The following TMC2 variants were observed in gnomAD, a reference collection of about 807,000 sequenced individuals.
The protein encoded by TMC2 is transmembrane channel like 2.
Under a neutral mutation model 105.9 loss-of-function variants are expected in TMC2, and 102 were observed. The ratio of observed to expected loss-of-function variants is 0.96; its 90% confidence interval spans 0.82 to 1.14. TMC2 has a LOEUF of 1.14. Ranked by LOEUF, TMC2 falls within the 50% of genes most tolerant of loss-of-function variation. The pLI, the probability that TMC2 is intolerant of heterozygous loss-of-function variation, is 0.00. For missense variants in TMC2, 1,093 were observed against 1,134.3 expected (o/e 0.96, Z 0.52); for synonymous variants, 402 against 422.8 (o/e 0.95, Z 0.60).
chr20:2,616,955 G>T lies in TMC2; in HGVS notation c.1941-117G>T. ...TGGGAGGCCCCTTACCTGGGGACTT[G>T]CCAGGAAAGCAGCTCGGCCTCATGC... On this transcript the variant is annotated intron_variant, in intron 15 of 19. Transcript: ENST00000358864. The surrounding 1 kb of genome is among the most constrained non-coding windows in gnomAD (Gnocchi z 4.8). 1 of 1,229,996 alleles carries T rather than the reference G, an allele frequency of 8.1e-7. No homozygotes were observed. Among genetic ancestry groups the T allele is most frequent in the Non-Finnish European group, 1.1e-6 (1 of 875,480 alleles). 76.2% of individuals were successfully genotyped at this position (1,229,996 alleles called of 1,614,324 possible). A position where few individuals can be genotyped will look rare whatever the true frequency, so the allele number is the denominator to read the frequency against.
At position 2,603,769 on chromosome 20, in the gene TMC2, CT is replaced by C. The variant is rs1429466142; in HGVS notation, c.1413+1470del. ...TATAAGGGGAGTATCAGTGCCAAGT[CT>C]TATGCTCTGAAGGCAAATGCTGACT... On this transcript the variant is annotated intron_variant, in intron 11 of 19. Transcript: ENST00000358864. Among the ~76,000 whole-genome samples, 5 of 152,302 alleles carry C rather than the reference CT, an allele frequency of 3.3e-5. No individual in the cohort carries two copies. The East Asian group carries it at 9.6e-4, about 29-fold the overall frequency.
At position 2,558,425 on chromosome 20, in the gene TMC2, A is replaced by G. The variant is rs2085998177; in HGVS notation, c.83-31A>G. The G allele has an allele frequency of 1.3e-6, 2 of 1,550,456 alleles. No individual in the cohort carries two copies. Among genetic ancestry groups the G allele is most frequent in the Non-Finnish European group, 1.7e-6 (2 of 1,146,976 alleles). The stretch of plus-strand genomic sequence containing the variant: ...TTTTCCTGGGCCTGAGGCCGTTGGA[A>G]CCAGAACTGTCCATTTTCCCGCCCC... On this transcript the variant is annotated intron_variant, in intron 2 of 19. Transcript: ENST00000358864. The surrounding 1 kb of genome is among the most constrained non-coding windows in gnomAD (Gnocchi z 4.6).
chr20:2,546,610 G>A (rs2085927991), intron 2 of TMC2, among the ~76,000 whole-genome samples: 2 of 151,854 alleles, frequency 1.3e-5, no homozygotes, highest in Non-Finnish European at 2.9e-5. Flanking sequence ...TTTTAGGATG[G>A]TGTATGTCTC....
At chr20:2,539,026 T>G (rs1296094167) in intron 2 of TMC2, among the ~76,000 whole-genome samples, 1 of 151,326 alleles carries the variant, frequency 6.6e-6, no homozygotes, top group Admixed American at 6.6e-5. Flanking sequence ...CCTGTATCAT[T>G]TGGTAAGTGC....
intron 4 of TMC2, among the ~76,000 whole-genome samples, chr20:2,568,022 A>G (rs976878445): frequency 2.6e-5 from 4 of 152,222 alleles, no homozygotes; most frequent in East Asian, 1.9e-4. Context: ...AAGACATAAC[A>G]TTAGTATCGT....
At chr20:2,604,579 T>G (rs1259236561) in intron 11 of TMC2, among the ~76,000 whole-genome samples, 1 of 152,058 alleles carries the variant, frequency 6.6e-6, no homozygotes, top group Non-Finnish European at 1.5e-5. Flanking sequence ...TGATCAGTGT[T>G]TTTTTTTGTA....
chr20:2,624,444 G>A, intron 17 of TMC2, 48 bp downstream of exon 17: 1 of 1,582,150 alleles, frequency 6.3e-7, no homozygotes, highest in Non-Finnish European at 8.6e-7. Flanking sequence ...ACTTCTCCTT[G>A]AATTTGAGAC....
chr20:2,540,371 A>G (rs1600092067), intron 2 of TMC2, among the ~76,000 whole-genome samples: 2 of 151,292 alleles, frequency 1.3e-5, no homozygotes, highest in East Asian at 4.0e-4. Context: ...TCTCAAAGAC[A>G]TGGACATGGC....
rs754743037 is a variant in TMC2, at chr20:2,592,192, AAAG to A, written c.835-112_835-110del. On this transcript the variant is annotated intron_variant, in intron 7 of 19. Transcript: ENST00000358864. This position sits in a 1 kb window ranked among gnomAD's most constrained non-coding sequence, Gnocchi z 4.9. ...GAATTAAATTAATAAATACATAAAG[AAAG>A]AAGAAAATAGGTGTATTCCGCTCTG... The A allele has an allele frequency of 4.1e-5, 25 of 614,026 alleles. No individual in the cohort carries two copies. Among genetic ancestry groups the A allele is most frequent in the Non-Finnish European group, 6.6e-5 (23 of 346,322 alleles). The allele number at this position is 614,026 out of a possible 1,614,324, so 38.0% of individuals were successfully genotyped here.
chr20:2,543,192 T>G (rs755020054), intron 2 of TMC2, among the ~76,000 whole-genome samples: 267 of 151,982 alleles, frequency 1.8e-3, no homozygotes, highest in Non-Finnish European at 2.7e-3. Context: ...AGCCAAGATC[T>G]TACCACTGCA....
rs578167322 is a variant in TMC2 at position 2,556,490 on chromosome 20, G to A, written c.83-1966G>A. On this transcript the variant is annotated intron_variant, in intron 2 of 19. Transcript: ENST00000358864. The stretch of plus-strand genomic sequence containing the variant: ...AGAACCTCCTTTAACATTTTGAGGG[G>A]CTGGACAGGGTGGCTCATGCCTATA... Among the ~76,000 whole-genome samples the A allele has an allele frequency of 3.1e-3, 466 of 152,256 alleles. 1 individual carries two copies. The highest frequency in any genetic ancestry group is 0.011 in the African/African-American group (438 of 41,552).
Position 2,624,269 on chromosome 20 carries a change from A to G in TMC2, c.2181-2A>G, listed in dbSNP as rs1394437860. 1 of 1,613,356 alleles carries G rather than the reference A, an allele frequency of 6.2e-7. No homozygotes were observed. The highest frequency in any genetic ancestry group is 8.5e-7 in the Non-Finnish European group (1 of 1,179,730). ...TTATATTGTGTCCTCTCCTTTTTCCAGTGGGAAAAACAGAATGTACGATGT... is the reference window on the plus strand; with the variant it reads ...TTATATTGTGTCCTCTCCTTTTTCCGGTGGGAAAAACAGAATGTACGATGT... On this transcript the variant is annotated splice_acceptor_variant, in intron 16 of 19. Transcript: ENST00000358864. LOFTEE classifies it high-confidence loss of function.
In TMC2 at chr20:2,558,384, C is replaced by A; in HGVS notation, c.83-72C>A. Reference sequence around the variant, plus strand: ...CGGAATCATCTTGGACGTCTGATTTCTCACGGCCGGGGACATTTTCCTGGG... The same window carrying A: ...CGGAATCATCTTGGACGTCTGATTTATCACGGCCGGGGACATTTTCCTGGG... On this transcript the variant is annotated intron_variant, in intron 2 of 19. Transcript: ENST00000358864. This position sits in a 1 kb window ranked among gnomAD's most constrained non-coding sequence, Gnocchi z 4.6. The A allele has an allele frequency of 6.5e-7, 1 of 1,538,554 alleles. No homozygotes were observed. The highest frequency in any genetic ancestry group is 8.8e-7 in the Non-Finnish European group (1 of 1,141,344).
At chr20:2,638,066 G>A (rs1302318376) in intron 19 of TMC2, among the ~76,000 whole-genome samples, 1 of 152,192 alleles carries the variant, frequency 6.6e-6, no homozygotes, top group Non-Finnish European at 1.5e-5. Context: ...TCTAGGCCGG[G>A]CGTGGTGGCT....
Position 2,592,476 on chromosome 20 carries a change from T to C in TMC2, c.933+68T>C. On this transcript the variant is annotated intron_variant, in intron 8 of 19. Coordinates refer to ENST00000358864, the MANE Select transcript of TMC2 (RefSeq NM_080751.3). The surrounding 1 kb of genome is among the most constrained non-coding windows in gnomAD (Gnocchi z 4.9). ...AAAGGCTAAAGATTGCATGGATAAG[T>C]ATGAAATAGTGCGTTTAATTATTGA... 2 of 1,057,234 alleles carry C rather than the reference T, an allele frequency of 1.9e-6. No homozygotes were observed. Among genetic ancestry groups the C allele is most frequent in the Non-Finnish European group, 3.0e-6 (2 of 673,930 alleles). The allele number at this position is 1,057,234 out of a possible 1,614,324, so 65.5% of individuals were successfully genotyped here. A position where few individuals can be genotyped will look rare whatever the true frequency, so the allele number is the denominator to read the frequency against.
intron 9 of TMC2, 99 bp from the exon 10 acceptor site, chr20:2,597,052 T>C: frequency 9.7e-6 from 13 of 1,339,536 alleles, no homozygotes; most frequent in Non-Finnish European, 1.3e-5. Flanking sequence ...GCTACCTGTT[T>C]ATCTGTTACC....
At chr20:2,621,479 T>C (rs952637240) in intron 16 of TMC2, among the ~76,000 whole-genome samples, 2 of 151,602 alleles carry the variant, frequency 1.3e-5, no homozygotes, top group African/African-American at 2.4e-5. Flanking sequence ...GCTGTTGGTT[T>C]TGAACATGGA....
chr20:2,590,518 T>TA (rs2086261764), intron 7 of TMC2, among the ~76,000 whole-genome samples: 1 of 151,912 alleles, frequency 6.6e-6, no homozygotes, highest in South Asian at 2.1e-4. Context: ...GAAAATTACC[T>TA]AAAAATGAAG....
intron 17 of TMC2, among the ~76,000 whole-genome samples, chr20:2,627,856 G>C (rs1287324711): frequency 6.6e-6 from 1 of 152,200 alleles, no homozygotes; most frequent in East Asian, 1.9e-4. Context: ...AAAATAATCT[G>C]TGATCATTTT....
Sources: gnomAD v4.1 joint callset for allele counts (sites outside exome capture counted in the v4.1 genomes callset) on GRCh38, gnomAD v4.1.1 for gene constraint, Gnocchi (gnomAD v3.1) non-coding constraint, MANE v1.5 for transcripts, NCBI Gene and HGNC (gene_info 2026-07-23, HGNC 2026-07-21) for gene names.